Variants in RALYL observed in about 807,000 individuals in gnomAD.
RALYL encodes the protein RNA-binding Raly-like protein.
In RALYL, 29 loss-of-function variants were observed where a neutral mutation model predicts 35.1. That is an observed-to-expected ratio of 0.83 (90% confidence interval 0.61 to 1.13). The LOEUF is 1.13. Ranked by LOEUF, RALYL falls within the 50% of genes most tolerant of loss-of-function variation. The pLI, the probability that RALYL is intolerant of heterozygous loss-of-function variation, is 0.00. For synonymous variants in RALYL, 120 were observed against 127.6 expected, an observed-to-expected ratio of 0.94 and a Z score of 0.40; for missense variants, 359 against 360.4, an observed-to-expected ratio of 1.00 and a Z score of 0.03.
intron 1 of RALYL, among the ~76,000 whole-genome samples, chr8:84,516,527 A>G (rs1014725356): frequency 6.6e-6 from 1 of 152,144 alleles, no homozygotes; most frequent in African/African-American, 2.4e-5. Context: ...TAATTTATGT[A>G]TGAAGTTCAT....
chr8:84,325,249 CCAAACCGTT>C (rs1291551186), intron 1 of RALYL, among the ~76,000 whole-genome samples: 1 of 152,130 alleles, frequency 6.6e-6, no homozygotes, highest in East Asian at 1.9e-4. Context: ...CTTTAAATCA[CCAAACCGTT>C]CAGTTGCAGT....
intron 2 of RALYL, among the ~76,000 whole-genome samples, chr8:84,553,568 C>T (rs114136831): frequency 0.035 from 5,353 of 152,200 alleles, 181 homozygotes; most frequent in African/African-American, 0.083. Flanking sequence ...ATCCCTCAAA[C>T]GAGACATGTT....
chr8:84,693,456 C>T (rs1838489404), intron 2 of RALYL, among the ~76,000 whole-genome samples: 1 of 151,856 alleles, frequency 6.6e-6, no homozygotes, highest in Non-Finnish European at 1.5e-5. Context: ...AAGTAACTGC[C>T]CCATGATTCA....
At chr8:84,246,500 T>C (rs1829128640) in intron 1 of RALYL, among the ~76,000 whole-genome samples, 1 of 152,146 alleles carries the variant, frequency 6.6e-6, no homozygotes, top group Non-Finnish European at 1.5e-5. Context: ...TGAGATGTAA[T>C]TCCAAGTAAG....
chr8:84,617,050 G>T (rs1471202121), intron 2 of RALYL, among the ~76,000 whole-genome samples: 4 of 150,558 alleles, frequency 2.7e-5, no homozygotes, highest in African/African-American at 9.9e-5. Context: ...TGTTCTTTTG[G>T]CTTAGGATTG....
intron 2 of RALYL, among the ~76,000 whole-genome samples, chr8:84,610,366 T>G (rs1818039418): frequency 6.6e-6 from 1 of 152,098 alleles, no homozygotes; most frequent in South Asian, 2.1e-4. Flanking sequence ...TCTGATATTT[T>G]TCTCATGATT....
At chr8:84,886,077 T>A (rs1274833440) in intron 7 of RALYL, among the ~76,000 whole-genome samples, 1 of 152,078 alleles carries the variant, frequency 6.6e-6, no homozygotes, top group Non-Finnish European at 1.5e-5. Context: ...AGAGCTAGAA[T>A]CTTGTCAACT....
At chr8:84,187,484 C>T (rs1205218572) in intron 1 of RALYL, among the ~76,000 whole-genome samples, 1 of 151,994 alleles carries the variant, frequency 6.6e-6, no homozygotes, top group African/African-American at 2.4e-5. Context: ...CAAATAGCCA[C>T]ACCGTGGTGG....
At chr8:84,831,155 A>G (rs555522752) in intron 4 of RALYL, among the ~76,000 whole-genome samples, 1 of 152,294 alleles carries the variant, frequency 6.6e-6, no homozygotes, top group East Asian at 1.9e-4. Flanking sequence ...ACATGAGTCA[A>G]TAATAAAAAG....
At chr8:84,749,907 C>A (rs1027850047) in intron 2 of RALYL, among the ~76,000 whole-genome samples, 4 of 152,140 alleles carry the variant, frequency 2.6e-5, no homozygotes, top group Admixed American at 2.6e-4. Flanking sequence ...CCCACTTGAA[C>A]CACAGATGTG....
intron 1 of RALYL, among the ~76,000 whole-genome samples, chr8:84,454,743 AG>A (rs1563959766): frequency 6.6e-6 from 1 of 152,062 alleles, no homozygotes; most frequent in Non-Finnish European, 1.5e-5. Flanking sequence ...TCATCCCAAA[AG>A]TCTCTCCCAC....
intron 2 of RALYL, among the ~76,000 whole-genome samples, chr8:84,741,914 TAGAC>T (rs1807445528): frequency 6.6e-6 from 1 of 151,982 alleles, no homozygotes; most frequent in Non-Finnish European, 1.5e-5. Context: ...GTTTGGACAT[TAGAC>T]AGGTCTATTA....
At chr8:84,714,056 A>T (rs1216455119) in intron 2 of RALYL, among the ~76,000 whole-genome samples, 1 of 151,560 alleles carries the variant, frequency 6.6e-6, no homozygotes, top group East Asian at 1.9e-4. Context: ...ACCCCAATGG[A>T]ATACTATTCA....
At chr8:84,495,771 T>C (rs1234053566) in intron 1 of RALYL, among the ~76,000 whole-genome samples, 1 of 152,152 alleles carries the variant, frequency 6.6e-6, no homozygotes. Context: ...TTTGTAACCT[T>C]TGACGCTTTT....
At chr8:84,763,170 G>A (rs1813091744) in intron 2 of RALYL, among the ~76,000 whole-genome samples, 1 of 151,936 alleles carries the variant, frequency 6.6e-6, no homozygotes, top group Non-Finnish European at 1.5e-5. Flanking sequence ...ATCACAAAAA[G>A]GACCTAAGAA....
chr8:84,599,205 G>T (rs1815316829), intron 2 of RALYL, among the ~76,000 whole-genome samples: 1 of 151,828 alleles, frequency 6.6e-6, no homozygotes, highest in South Asian at 2.1e-4. Context: ...TTATTATCAT[G>T]TATCACTGAC....
intron 2 of RALYL, among the ~76,000 whole-genome samples, chr8:84,661,927 C>T (rs1418420003): frequency 6.6e-6 from 1 of 150,382 alleles, no homozygotes; most frequent in African/African-American, 2.5e-5. Context: ...TAGTCATAGT[C>T]ACATTTTTGT....
intron 1 of RALYL, among the ~76,000 whole-genome samples, chr8:84,279,517 G>T (rs766376548): frequency 6.6e-6 from 1 of 152,110 alleles, no homozygotes; most frequent in Non-Finnish European, 1.5e-5. Flanking sequence ...GCTATTACTG[G>T]CTCAAAGTTT....
chr8:84,235,079 G>A (rs977962035), intron 1 of RALYL, among the ~76,000 whole-genome samples: 3 of 151,992 alleles, frequency 2.0e-5, no homozygotes, highest in Admixed American at 1.3e-4. Flanking sequence ...CAAAATTTTA[G>A]AAATAGAAAT....
Sources: gnomAD v4.1 joint callset for allele counts (sites outside exome capture counted in the v4.1 genomes callset) on GRCh38, gnomAD v4.1.1 for gene constraint, MANE v1.5 for transcripts, NCBI Gene and HGNC (gene_info 2026-07-23, HGNC 2026-07-21) for gene names.